Variants in KLRG1 observed in about 807,000 individuals in gnomAD.
The protein encoded by KLRG1 is killer cell lectin like receptor G1.
A neutral mutation model predicts 21.8 loss-of-function variants in KLRG1; 16 were observed. The observed-to-expected ratio is 0.73, with a 90% CI of 0.50 to 1.11. KLRG1 has a LOEUF of 1.11. Among genes scored for constraint, KLRG1 ranks in the 50% most tolerant of loss-of-function variants. KLRG1 has a pLI of 0.00. For missense variants in KLRG1, 173 were observed against 218.3 expected (o/e 0.79, Z 1.31); for synonymous variants, 69 against 75.9 (o/e 0.91, Z 0.47).
chr12:8,973,163 GAAAAAA>G (rs59760555), intron 1 of KLRG1, among the ~76,000 whole-genome samples: 7 of 97,034 alleles, frequency 7.2e-5, no homozygotes, highest in Non-Finnish European at 1.2e-4. Flanking sequence ...CATCTCAAAA[GAAAAAA>G]AAAAAAAAAA....
chr12:9,158,668 C>G, the KLRG1 span: 1 of 1,317,626 alleles, frequency 7.6e-7, no homozygotes, highest in Non-Finnish European at 1.0e-6. Flanking sequence ...TCACAGTGTG[C>G]ACCCAAGAAA....
rs746838582 is a variant in KLRG1, at chr12:9,003,978, T to A, written c.358-4997T>A. Among the ~76,000 whole-genome samples the A allele has an allele frequency of 1.0e-3, 152 of 151,866 alleles. 1 individual carries two copies. The highest frequency in any genetic ancestry group is 3.6e-3 in the African/African-American group (150 of 41,382). On this transcript the variant is annotated intron_variant, in intron 3 of 4. Transcript: ENST00000356986. ...GTTTGGTTTTTTGTCCTTGCGATAG[T>A]TTACTGAGAATGATGATTTCCAATT...
chr12:9,188,938 G>T, the KLRG1 span, among the ~76,000 whole-genome samples: 1 of 151,670 alleles, frequency 6.6e-6, no homozygotes, highest in South Asian at 2.1e-4. Context: ...GTATGAAAAT[G>T]GTCATATTGC....
At chr12:9,166,182 T>C in the KLRG1 span, 12 of 1,611,696 alleles carry the variant, frequency 7.4e-6, no homozygotes, top group Non-Finnish European at 1.0e-5. Context: ...ACATATGGTC[T>C]CTCTACTACT....
chr12:9,032,990 A>G, the KLRG1 span, among the ~76,000 whole-genome samples: 1 of 152,212 alleles, frequency 6.6e-6, no homozygotes, highest in East Asian at 1.9e-4. Context: ...TTCTGGTTCT[A>G]CTACATGAGT....
the KLRG1 span, chr12:9,208,173 G>A: frequency 3.2e-6 from 3 of 931,190 alleles, no homozygotes; most frequent in Non-Finnish European, 5.3e-6. Flanking sequence ...GAGTGGAAAG[G>A]TGGCATTTAC....
At chr12:9,101,051 T>TG in the KLRG1 span, 1 of 1,207,360 alleles carries the variant, frequency 8.3e-7, no homozygotes, top group African/African-American at 1.5e-5. Flanking sequence ...CAAAAACCTA[T>TG]GGAAAAAAAG....
the KLRG1 span, among the ~76,000 whole-genome samples, chr12:9,070,841 G>A: frequency 2.7e-5 from 4 of 146,082 alleles, no homozygotes; most frequent in Non-Finnish European, 6.0e-5. Context: ...TTTTTTTGAT[G>A]GAGTTTTTCA....
chr12:8,967,793 T>G (rs1946501436), intron 1 of KLRG1, among the ~76,000 whole-genome samples: 1 of 152,036 alleles, frequency 6.6e-6, no homozygotes, highest in Admixed American at 6.5e-5. Context: ...GTAAAATGTA[T>G]GAAAACGGCC....
chr12:9,123,732 C>T, the KLRG1 span, among the ~76,000 whole-genome samples: 1 of 152,336 alleles, frequency 6.6e-6, no homozygotes, highest in East Asian at 1.9e-4. Context: ...TAATTGACTA[C>T]ATTTCTAGTT....
chr12:9,121,156 G>T, the KLRG1 span, among the ~76,000 whole-genome samples: 1 of 151,964 alleles, frequency 6.6e-6, no homozygotes, highest in Non-Finnish European at 1.5e-5. This position sits in a 1 kb window ranked among gnomAD's most constrained non-coding sequence, Gnocchi z 4.4. Context: ...AAAGTGTTAG[G>T]GTTACAGGCA....
At chr12:9,186,904 AC>A in the KLRG1 span, among the ~76,000 whole-genome samples, 1 of 151,374 alleles carries the variant, frequency 6.6e-6, no homozygotes, top group Non-Finnish European at 1.5e-5. Flanking sequence ...AATATAGATG[AC>A]AGGCTGATGG....
intron 1 of KLRG1, among the ~76,000 whole-genome samples, chr12:8,982,258 A>G (rs1345305039): frequency 6.6e-6 from 1 of 152,226 alleles, no homozygotes; most frequent in Non-Finnish European, 1.5e-5. Flanking sequence ...GAGTTGTAAC[A>G]ATAAAAGCAG....
At chr12:9,149,615 G>A in the KLRG1 span, 109 of 1,612,038 alleles carry the variant, frequency 6.8e-5, 2 homozygotes, top group African/African-American at 1.2e-3. Context: ...GAAAGATAAC[G>A]TTGGGTGAAG....
the KLRG1 span, chr12:9,201,204 T>C: frequency 1.5e-6 from 2 of 1,339,890 alleles, no homozygotes; most frequent in African/African-American, 2.9e-5. Context: ...ACCTGACAAC[T>C]GGGAGTAGGA....
chr12:9,109,245 G>C, the KLRG1 span: 1 of 1,185,288 alleles, frequency 8.4e-7, no homozygotes, highest in Non-Finnish European at 1.2e-6. Context: ...CTCCCGGAGA[G>C]AGTAGTTAAA....
chr12:9,107,760 C>G, the KLRG1 span: 8 of 1,161,952 alleles, frequency 6.9e-6, no homozygotes, highest in African/African-American at 1.5e-5. Context: ...TCCCTCTGCT[C>G]TCTGCTGGGC....
the KLRG1 span, chr12:9,158,516 T>G: frequency 6.2e-7 from 1 of 1,614,156 alleles, no homozygotes; most frequent in Non-Finnish European, 8.5e-7. Context: ...TAATGTGTGC[T>G]TCATCAATGA....
the KLRG1 span, chr12:9,202,510 A>T: frequency 6.2e-7 from 1 of 1,613,802 alleles, no homozygotes; most frequent in East Asian, 2.2e-5. Context: ...CAAACAGTGG[A>T]ATTTCCCTAC....
Sources: gnomAD v4.1 joint callset for allele counts (sites outside exome capture counted in the v4.1 genomes callset) on GRCh38, gnomAD v4.1.1 for gene constraint, Gnocchi (gnomAD v3.1) non-coding constraint, MANE v1.5 for transcripts, NCBI Gene and HGNC (gene_info 2026-07-23, HGNC 2026-07-21) for gene names.